The following ALG14 variants were observed in gnomAD, a reference collection of about 807,000 sequenced individuals.
ALG14 encodes ALG14 UDP-N-acetylglucosaminyltransferase subunit.
In ALG14, 17 loss-of-function variants were observed where a neutral mutation model predicts 22.8. The ratio of observed to expected loss-of-function variants is 0.75; its 90% CI spans 0.51 to 1.12. ALG14 has a LOEUF of 1.12. ALG14 is among the 50% of genes most tolerant of loss of function. The pLI is 0.00. For synonymous variants in ALG14, 89 were observed against 103.7 expected (o/e 0.86, Z 0.86); for missense variants, 288 against 271.8 (o/e 1.06, Z -0.42).
Position 94,979,357 on chromosome 1 carries a change from G to C in ALG14, c.*3719C>G, listed in dbSNP as rs1236297587. ...CAAGTATACAGAACTAGCATGAGGGGAAGTCTCTGAAGACAAACATAAGTA... is the reference window on the plus strand; with the variant it reads ...CAAGTATACAGAACTAGCATGAGGGCAAGTCTCTGAAGACAAACATAAGTA... On this transcript the variant is annotated 3_prime_UTR_variant, in exon 4 of 4. Coordinates refer to ENST00000370205, the MANE Select transcript of ALG14 (RefSeq NM_144988.4). 6.7e-6 allele frequency: 1 copy of C among 150,098 alleles called. No homozygotes were observed. The highest frequency in any genetic ancestry group is 1.5e-5 in the Non-Finnish European group (1 of 67,640). The allele number at this position is 150,098 out of a possible 1,614,324, so 9.3% of individuals were successfully genotyped here. A position where few individuals can be genotyped will look rare whatever the true frequency, so the allele number is the denominator to read the frequency against.
At chr1:95,059,950 G>C (rs1159241170) in intron 2 of ALG14, among the ~76,000 whole-genome samples, 1 of 151,938 alleles carries the variant, frequency 6.6e-6, no homozygotes, top group Non-Finnish European at 1.5e-5. Context: ...TCTTCAGCAA[G>C]ACCCCACCTT....
At chr1:95,045,081 G>A (rs1674503436) in intron 2 of ALG14, among the ~76,000 whole-genome samples, 1 of 151,804 alleles carries the variant, frequency 6.6e-6, no homozygotes, top group African/African-American at 2.4e-5. Flanking sequence ...TAATATTTTA[G>A]GTCTCTTTCT....
At chr1:95,065,505 T>A (rs1354453684) in intron 1 of ALG14, among the ~76,000 whole-genome samples, 2 of 152,022 alleles carry the variant, frequency 1.3e-5, no homozygotes, top group African/African-American at 4.8e-5. Context: ...TGGGTGGAGA[T>A]GGGGATTGTT....
Position 95,038,603 on chromosome 1 carries a change from T to C in ALG14, c.289-11343A>G, listed in dbSNP as rs569250074. ...GGCTGAGGCAAAATAATTGTTTAAATCTGGGAGGTGGAGGTTGCAGTGAGC... is the reference window on the plus strand; with the variant it reads ...GGCTGAGGCAAAATAATTGTTTAAACCTGGGAGGTGGAGGTTGCAGTGAGC... On this transcript the variant is annotated intron_variant, in intron 2 of 3. Coordinates refer to ENST00000370205, the MANE Select transcript of ALG14 (RefSeq NM_144988.4). Among the ~76,000 whole-genome samples the C allele has an allele frequency of 1.9e-4, 28 of 148,870 alleles. No homozygotes were observed. In the South Asian group the frequency reaches 4.7e-3, roughly 25 times the overall value.
intron 3 of ALG14, among the ~76,000 whole-genome samples, chr1:94,988,290 A>C (rs1192017285): frequency 6.6e-6 from 1 of 152,232 alleles, no homozygotes; most frequent in Non-Finnish European, 1.5e-5. Flanking sequence ...AAGTCAGGAA[A>C]ATGCTTTAAG....
chr1:95,007,553 C>T (rs1237771831), intron 3 of ALG14, among the ~76,000 whole-genome samples: 1 of 152,242 alleles, frequency 6.6e-6, no homozygotes, highest in African/African-American at 2.4e-5. Context: ...TCCATCAAGG[C>T]CCCTGATTTT....
chr1:94,999,343 A>ATTTTTTTT (rs548389921), intron 3 of ALG14, among the ~76,000 whole-genome samples: 1 of 108,776 alleles, frequency 9.2e-6, no homozygotes, highest in Non-Finnish European at 1.8e-5. Context: ...CAGTAGACCC[A>ATTTTTTTT]TTTTTTTTTT....
At chr1:94,994,392 C>A (rs1362830571) in intron 3 of ALG14, among the ~76,000 whole-genome samples, 1 of 152,170 alleles carries the variant, frequency 6.6e-6, no homozygotes, top group Non-Finnish European at 1.5e-5. Context: ...CTAGATGAAG[C>A]CTCAGGGAAT....
chr1:95,023,494 A>G (rs1673724478), intron 3 of ALG14, among the ~76,000 whole-genome samples: 1 of 152,200 alleles, frequency 6.6e-6, no homozygotes, highest in African/African-American at 2.4e-5. Flanking sequence ...GAAAAAAATG[A>G]CTAAATAAAA....
intron 1 of ALG14, among the ~76,000 whole-genome samples, chr1:95,066,235 T>TC (rs950665126): frequency 8.0e-5 from 12 of 150,414 alleles, no homozygotes; most frequent in African/African-American, 2.9e-4. Flanking sequence ...CCCCCTCACC[T>TC]CCCCCCAGGT....
chr1:95,055,777 G>A (rs890948631), intron 2 of ALG14, among the ~76,000 whole-genome samples: 2 of 143,726 alleles, frequency 1.4e-5, no homozygotes, highest in South Asian at 4.5e-4. Context: ...CGGATCACGA[G>A]GTCAGCAGAT....
chr1:95,012,160 A>G (rs891842106), intron 3 of ALG14, among the ~76,000 whole-genome samples: 1 of 152,226 alleles, frequency 6.6e-6, no homozygotes, highest in Admixed American at 6.5e-5. Context: ...CCCCAGCTAC[A>G]TGGAACTGTG....
At chr1:95,019,357 T>TA (rs1388099613) in intron 3 of ALG14, among the ~76,000 whole-genome samples, 2 of 152,198 alleles carry the variant, frequency 1.3e-5, no homozygotes, top group African/African-American at 2.4e-5. Flanking sequence ...TAAGCATGTA[T>TA]AATACCAGTT....
chr1:95,032,215 T>C (rs1051506117), intron 2 of ALG14, among the ~76,000 whole-genome samples: 4 of 152,190 alleles, frequency 2.6e-5, no homozygotes, highest in Admixed American at 1.3e-4. Flanking sequence ...ATTCAATATG[T>C]CATTACACAG....
intron 2 of ALG14, among the ~76,000 whole-genome samples, chr1:95,043,170 T>C (rs1674437448): frequency 6.6e-6 from 1 of 152,212 alleles, no homozygotes; most frequent in Non-Finnish European, 1.5e-5. Context: ...GCCACTGAAA[T>C]GCCCTTTTCT....
intron 2 of ALG14, among the ~76,000 whole-genome samples, chr1:95,030,501 TCAATACC>T (rs1172975363): frequency 1.3e-5 from 2 of 152,212 alleles, no homozygotes; most frequent in Admixed American, 1.3e-4. Flanking sequence ...TGGCCTAATC[TCAATACC>T]TATAATATTT....
At chr1:95,031,160 G>A (rs745615667) in intron 2 of ALG14, among the ~76,000 whole-genome samples, 18 of 152,120 alleles carry the variant, frequency 1.2e-4, no homozygotes, top group Non-Finnish European at 2.4e-4. Context: ...TGTTGTCTCA[G>A]CATAATTATT....
intron 3 of ALG14, chr1:95,022,166 A>G: frequency 4.0e-6 from 1 of 251,762 alleles, no homozygotes; most frequent in African/African-American, 2.3e-5. Context: ...AGTCCCCCAA[A>G]ATGGAGACGA....
At chr1:95,038,210 G>A (rs1484871745) in intron 2 of ALG14, among the ~76,000 whole-genome samples, 1 of 151,990 alleles carries the variant, frequency 6.6e-6, no homozygotes, top group Non-Finnish European at 1.5e-5. Flanking sequence ...CACGCGCGGT[G>A]GCTTACGCCT....
Sources: gnomAD v4.1 joint callset for allele counts (sites outside exome capture counted in the v4.1 genomes callset) on GRCh38, gnomAD v4.1.1 for gene constraint, MANE v1.5 for transcripts, NCBI Gene and HGNC (gene_info 2026-07-23, HGNC 2026-07-21) for gene names.